DOCK1: variants seen among roughly 807,000 people sequenced by gnomAD.
DOCK1 encodes the protein dedicator of cytokinesis 1.
DOCK1 carries 138 observed loss-of-function variants against 262.7 expected under a neutral mutation model. The observed-to-expected ratio is 0.53, with a 90% CI of 0.46 to 0.61. The LOEUF (loss-of-function observed/expected upper bound fraction) is 0.61. Ranked by LOEUF, DOCK1 falls within the 20% of genes least tolerant of loss-of-function variation. The pLI, the probability that DOCK1 is intolerant of heterozygous loss-of-function variation, is 0.00. For missense variants in DOCK1, 1,908 were observed against 2,370.7 expected, an observed-to-expected ratio of 0.80 and a Z score of 4.05; for synonymous variants, 866 against 867.4, an observed-to-expected ratio of 1.00 and a Z score of 0.03.
rs371946663 is a variant in DOCK1, at chr10:127,032,346, C to T, written c.1912+26C>T. The T allele has an allele frequency of 5.4e-6, 8 of 1,485,682 alleles. No individual in the cohort carries two copies. In the African/African-American group the frequency reaches 7.1e-5, roughly 13 times the overall value. 92.0% of individuals were successfully genotyped at this position (1,485,682 alleles called of 1,614,324 possible). A position where few individuals can be genotyped will look rare whatever the true frequency, so the allele number is the denominator to read the frequency against. On this transcript the variant is annotated intron_variant, in intron 18 of 51. Coordinates refer to ENST00000623213, the MANE Select transcript of DOCK1 (RefSeq NM_001290223.2). ...GTGCGTTCGAGAGGAGAAACACACT[C>T]ACCCCAGGAGCTCTGCCCCAGTCCT... is the stretch of plus-strand genomic sequence containing the variant.
chr10:127,121,979 T>C (rs1261922572), intron 25 of DOCK1, among the ~76,000 whole-genome samples: 1 of 152,136 alleles, frequency 6.6e-6, no homozygotes, highest in East Asian at 1.9e-4. Flanking sequence ...TTAAGAAAAA[T>C]AGGAAGGCTT....
chr10:127,104,199 G>A (rs1164737082), intron 23 of DOCK1, among the ~76,000 whole-genome samples: 1 of 152,182 alleles, frequency 6.6e-6, no homozygotes, highest in Non-Finnish European at 1.5e-5. Context: ...ATGATCTCCA[G>A]TCATTTTCTC....
intron 12 of DOCK1, among the ~76,000 whole-genome samples, chr10:127,014,475 G>T (rs1034802314): frequency 3.9e-5 from 6 of 152,152 alleles, no homozygotes; most frequent in African/African-American, 1.4e-4. Context: ...AGATATTTGC[G>T]CAGGCCGGCG....
chr10:126,942,240 G>T (rs1270844248), intron 1 of DOCK1, among the ~76,000 whole-genome samples: 1 of 152,082 alleles, frequency 6.6e-6, no homozygotes, highest in African/African-American at 2.4e-5. Flanking sequence ...AGCCAGGATG[G>T]TCTCGATCTC....
chr10:127,279,639 C>G (rs958790144), intron 29 of DOCK1, among the ~76,000 whole-genome samples: 1 of 152,168 alleles, frequency 6.6e-6, no homozygotes, highest in Non-Finnish European at 1.5e-5. Flanking sequence ...CTCTACAGGG[C>G]TGGTCCTCAC....
intron 29 of DOCK1, among the ~76,000 whole-genome samples, chr10:127,322,301 C>T (rs113684019): frequency 0.074 from 11,171 of 150,418 alleles, 1,367 homozygotes; most frequent in African/African-American, 0.26. Context: ...GTGATCCTCC[C>T]GCCTTAGCCT....
At chr10:127,261,823 AT>A (rs2060148639) in intron 29 of DOCK1, among the ~76,000 whole-genome samples, 1 of 72,308 alleles carries the variant, frequency 1.4e-5, no homozygotes, top group East Asian at 5.1e-4. Flanking sequence ...GTGTACCTGC[AT>A]TGTGTGCATG....
Position 127,000,192 on chromosome 10 carries a change from G to T in DOCK1, c.870G>T (p.Leu290=). ...TCTAGGACCTCGGAAGCAAAGACCTGAAAAGGGAGAAAATCAGTTTTGTCT... is the reference window on the plus strand; with the variant it reads ...TCTAGGACCTCGGAAGCAAAGACCTTAAAAGGGAGAAAATCAGTTTTGTCT... The part of the protein sequence containing the change: ...AVFTDLGSKD[L]KREKISFVCQ... The change falls in exon 10 of 52, where the codon CTG becomes CTT. Residue 290 remains leucine (L), a synonymous_variant. Coordinates refer to ENST00000623213, the MANE Select transcript of DOCK1 (RefSeq NM_001290223.2). 1.2e-6 allele frequency: 2 copies of T among 1,614,004 alleles called. No homozygotes were observed. The highest frequency in any genetic ancestry group is 1.7e-6 in the Non-Finnish European group (2 of 1,179,876).
At chr10:127,114,329 T>C (rs1437017045) in intron 25 of DOCK1, among the ~76,000 whole-genome samples, 2 of 152,122 alleles carry the variant, frequency 1.3e-5, no homozygotes, top group African/African-American at 4.8e-5. Flanking sequence ...TACACACATG[T>C]GTAGTTGACT....
At chr10:127,034,582 T>G (rs1260595834) in intron 18 of DOCK1, among the ~76,000 whole-genome samples, 1 of 152,144 alleles carries the variant, frequency 6.6e-6, no homozygotes, top group African/African-American at 2.4e-5. Flanking sequence ...GGATGTGGCC[T>G]TGATAGCTCC....
intron 28 of DOCK1, 45 bp downstream of exon 28, chr10:127,248,154 C>T: frequency 6.6e-7 from 1 of 1,525,234 alleles, no homozygotes; most frequent in Admixed American, 1.7e-5. Flanking sequence ...GTTTTAGGGC[C>T]AGCACTTTAG....
chr10:127,189,617 C>T (rs1216134850), intron 27 of DOCK1, among the ~76,000 whole-genome samples: 1 of 152,162 alleles, frequency 6.6e-6, no homozygotes, highest in Non-Finnish European at 1.5e-5. Context: ...TAACAACTAC[C>T]TTTAAAACTA....
chr10:127,017,506 CACAGACACACACGTGT>C lies in DOCK1; in HGVS notation c.1202-1192_1202-1177del, dbSNP rs1322141084. Among the ~76,000 whole-genome samples, 14 of 151,260 alleles carry C rather than the reference CACAGACACACACGTGT, an allele frequency of 9.3e-5. No individual in the cohort carries two copies. In the South Asian group the frequency reaches 2.1e-3, roughly 23 times the overall value. ...ACAGACACAGATACACAGAGACACA[CACAGACACACACGTGT>C]ACAGACACACATGGACACACAGACA... On this transcript the variant is annotated intron_variant, in intron 12 of 51. Coordinates refer to ENST00000623213, the MANE Select transcript of DOCK1 (RefSeq NM_001290223.2).
chr10:126,922,825 T>G (rs139550265), intron 1 of DOCK1, among the ~76,000 whole-genome samples: 2 of 152,132 alleles, frequency 1.3e-5, no homozygotes, highest in African/African-American at 4.8e-5. Context: ...AAAAAAAAGA[T>G]GAGGACCGGG....
At chr10:127,174,195 T>C (rs1219897609) in intron 27 of DOCK1, among the ~76,000 whole-genome samples, 1 of 152,222 alleles carries the variant, frequency 6.6e-6, no homozygotes, top group African/African-American at 2.4e-5. Flanking sequence ...AACCCAGGGC[T>C]CAGGGCTCGC....
At chr10:127,138,172 C>T (rs2050868326) in intron 27 of DOCK1, 20 of 676,384 alleles carry the variant, frequency 3.0e-5, no homozygotes, top group Non-Finnish European at 4.8e-5. Flanking sequence ...TGTTTTAGCT[C>T]TGTGCTCCCG....
intron 25 of DOCK1, among the ~76,000 whole-genome samples, chr10:127,115,263 G>C (rs1194222246): frequency 6.6e-6 from 1 of 152,208 alleles, no homozygotes; most frequent in Admixed American, 6.5e-5. Context: ...CCTTTGCTGA[G>C]GTAGAGGGCC....
Position 127,331,236 on chromosome 10 carries a change from A to G in DOCK1, c.3045-7770A>G, listed in dbSNP as rs1417692144. On this transcript the variant is annotated intron_variant, in intron 29 of 51. Transcript: ENST00000623213. Reference sequence around the variant, plus strand: ...AGCGGGTCCAACCTCCCATCTCTTCATGGTCATGGGCTGACTCAGTTTTTG... The same window carrying G: ...AGCGGGTCCAACCTCCCATCTCTTCGTGGTCATGGGCTGACTCAGTTTTTG... Among the ~76,000 whole-genome samples the G allele has an allele frequency of 5.3e-5, 8 of 152,142 alleles. 1 individual carries two copies.
At chr10:126,948,076 G>GTGT (rs2035706363) in intron 1 of DOCK1, among the ~76,000 whole-genome samples, 1 of 117,000 alleles carries the variant, frequency 8.5e-6, no homozygotes, top group African/African-American at 3.3e-5. Flanking sequence ...ATTACTGTTG[G>GTGT]TGGTGATGGT....
Sources: allele counts gnomAD v4.1 joint callset (sites outside exome capture counted in the v4.1 genomes callset), GRCh38; gene constraint gnomAD v4.1.1; transcripts MANE v1.5; gene names NCBI Gene and HGNC (gene_info 2026-07-23, HGNC 2026-07-21).